GSTP1: variants seen among roughly 807,000 people sequenced by gnomAD.
GSTP1 encodes glutathione S-transferase P.
In GSTP1, 28 loss-of-function variants were observed where a neutral mutation model predicts 29.4. The ratio of observed to expected loss-of-function variants is 0.95; its 90% CI spans 0.71 to 1.30. The LOEUF is 1.30. GSTP1 is among the 50% of genes most tolerant of loss of function. GSTP1 has a pLI of 0.00. For missense variants in GSTP1, 267 were observed against 266.1 expected (o/e 1.00, Z -0.02); for synonymous variants, 122 against 117.0 (o/e 1.04, Z -0.28).
At chr11:67,584,250 G>A in intron 2 of GSTP1, 81 bp downstream of exon 2, 3 of 1,141,398 alleles carry the variant, frequency 2.6e-6, no homozygotes, top group South Asian at 1.3e-5. Context: ...GGAGAGATCC[G>A]AACCCCCTTA....
intron 3 of GSTP1, 56 bp from the exon 4 acceptor site, chr11:67,584,629 G>T: frequency 6.4e-7 from 1 of 1,574,566 alleles, no homozygotes; most frequent in Non-Finnish European, 8.7e-7. Context: ...GCTGTGACTA[G>T]GATCGGGGGA....
At position 67,584,322 on chromosome 11, in the gene GSTP1, C is replaced by G. The variant is rs543963099; in HGVS notation, c.38-142C>G. The G allele has an allele frequency of 7.3e-5, 53 of 724,412 alleles. No homozygotes were observed. In the South Asian group the frequency reaches 9.1e-4, roughly 12 times the overall value. 44.9% of individuals were successfully genotyped at this position (724,412 alleles called of 1,614,324 possible). A position where few individuals can be genotyped will look rare whatever the true frequency, so the allele number is the denominator to read the frequency against. On this transcript the variant is annotated intron_variant, in intron 2 of 6. Coordinates refer to ENST00000398606, the MANE Select transcript of GSTP1 (RefSeq NM_000852.4). ...CCTGTTCCCCGCCTCTCCCGCCATG[C>G]CTGCTCCCCGCCCCAGTGTTGTGTG...
chr11:67,583,958 C>T (rs963555721), intron 1 of GSTP1, 114 bp downstream of exon 1: 9 of 665,792 alleles, frequency 1.4e-5, no homozygotes, highest in African/African-American at 3.6e-5. Flanking sequence ...CCTCGAGACC[C>T]GGGACGGGGG....
chr11:67,584,819 G>GC (rs1867439131), intron 4 of GSTP1, 47 bp downstream of exon 4: 2 of 1,338,728 alleles, frequency 1.5e-6, no homozygotes, highest in Admixed American at 1.7e-5. Context: ...GCAAGCCTCT[G>GC]CCCCCGGAGC....
chr11:67,585,082 CTG>C (rs1031883829), intron 4 of GSTP1, 54 bp from the exon 5 acceptor site: 2 of 1,138,204 alleles, frequency 1.8e-6, no homozygotes, highest in African/African-American at 1.5e-5. Flanking sequence ...TCCCCAGTGA[CTG>C]TGTGTTGATC....
At chr11:67,584,063 G>GT in intron 1 of GSTP1, 71 bp from the exon 2 acceptor site, 2 of 1,293,576 alleles carry the variant, frequency 1.5e-6, no homozygotes, top group Non-Finnish European at 2.2e-6. Context: ...CGGGGAGGGG[G>GT]GGCAGACTGC....
At chr11:67,586,312 G>A in intron 6 of GSTP1, 77 bp from the exon 7 acceptor site, 1 of 1,533,506 alleles carries the variant, frequency 6.5e-7, no homozygotes, top group Non-Finnish European at 9.0e-7. Context: ...AGACCTAGGG[G>A]ATGGGCTTAG....
chr11:67,584,204 G>A, intron 2 of GSTP1, 35 bp downstream of exon 2: 1 of 1,555,796 alleles, frequency 6.4e-7, no homozygotes, highest in Non-Finnish European at 8.9e-7. Flanking sequence ...AGGGAGGCAG[G>A]GGCTGGGGCT....
rs746780344 is a variant in GSTP1, at chr11:67,584,526, G to T, written c.100G>T (p.Val34Leu). Residue 34 changes from valine (V) to leucine (L), a missense_variant, in exon 3 of 7, where the codon GTG becomes TTG. Val to Leu is a conservative substitution (Grantham distance 32). Coordinates refer to ENST00000398606, the MANE Select transcript of GSTP1 (RefSeq NM_000852.4). ...DQGQSWKEEV[V>L]TVETWQEGSL... Reference sequence around the variant, plus strand: ...GGGCCAGAGCTGGAAGGAGGAGGTGGTGACCGTGGAGACGTGGCAGGAGGG... The same window carrying T: ...GGGCCAGAGCTGGAAGGAGGAGGTGTTGACCGTGGAGACGTGGCAGGAGGG... 21 of 1,589,036 alleles carry T rather than the reference G, an allele frequency of 1.3e-5. No individual in the cohort carries two copies. The highest frequency in any genetic ancestry group is 1.7e-5 in the Non-Finnish European group (20 of 1,168,660).
In GSTP1 at chr11:67,584,533, T is replaced by C. The variant is rs757009510; in HGVS notation, c.107T>C (p.Val36Ala). The C allele has an allele frequency of 1.3e-6, 2 of 1,595,428 alleles. No homozygotes were observed. The part of the protein sequence containing the change: ...GQSWKEEVVT[V>A]ETWQEGSLKA... Reference sequence around the variant, plus strand: ...AGCTGGAAGGAGGAGGTGGTGACCGTGGAGACGTGGCAGGAGGGCTCACTC... The same window carrying C: ...AGCTGGAAGGAGGAGGTGGTGACCGCGGAGACGTGGCAGGAGGGCTCACTC... Residue 36 changes from valine (V) to alanine (A), a missense_variant, in exon 3 of 7, where the codon GTG (valine) becomes GCG (alanine). Val to Ala is a moderately conservative substitution (Grantham distance 64). Coordinates refer to ENST00000398606, the MANE Select transcript of GSTP1 (RefSeq NM_000852.4).
intron 3 of GSTP1, 49 bp from the exon 4 acceptor site, chr11:67,584,636 G>A: frequency 1.3e-6 from 2 of 1,579,224 alleles, no homozygotes; most frequent in Non-Finnish European, 1.7e-6. Flanking sequence ...CTAGGATCGG[G>A]GGACGCCCAA....
At chr11:67,586,274 G>A (rs1867465776) in intron 6 of GSTP1, 63 bp downstream of exon 6, 2 of 1,528,018 alleles carry the variant, frequency 1.3e-6, no homozygotes, top group Non-Finnish European at 1.8e-6. Context: ...GGACACAGGT[G>A]TGAGCCATTT....
At chr11:67,586,296 C>A in intron 6 of GSTP1, 85 bp downstream of exon 6, 1 of 1,529,010 alleles carries the variant, frequency 6.5e-7, no homozygotes, top group Non-Finnish European at 9.0e-7. Flanking sequence ...TTTAGCAAAG[C>A]AGAGCAGACC....
In GSTP1 at chr11:67,584,059, G is replaced by GC. The variant is rs547917745; in HGVS notation, c.2-75_2-74insC. 7.8e-4 allele frequency: 891 copies of GC among 1,148,420 alleles called. 13 individuals carry two copies. In the South Asian group the frequency reaches 0.01, roughly 13 times the overall value. The allele number at this position is 1,148,420 out of a possible 1,614,324, so 71.1% of individuals were successfully genotyped here. ...AGGGATGGGACCCCGGGGGCGGGGA[G>GC]GGGGGGCAGACTGCGCTCACCGCGC... On this transcript the variant is annotated intron_variant, in intron 1 of 6. Coordinates refer to ENST00000398606, the MANE Select transcript of GSTP1 (RefSeq NM_000852.4).
Position 67,586,440 on chromosome 11 carries a change from C to G in GSTP1, c.496C>G (p.Leu166Val), listed in dbSNP as rs377297283. ...LLDLLLIHEV[L>V]APGCLDAFPL... ...GGACTTGCTGCTGATCCATGAGGTC[C>G]TAGCCCCTGGCTGCCTGGATGCGTT... Residue 166 changes from leucine to valine, a missense_variant, in exon 7 of 7, where the codon CTA (leucine) becomes GTA (valine). Leu to Val is a conservative substitution (Grantham distance 32). Coordinates refer to ENST00000398606, the MANE Select transcript of GSTP1 (RefSeq NM_000852.4). The G allele has an allele frequency of 8.1e-6, 13 of 1,614,098 alleles. No individual in the cohort carries two copies. The Middle Eastern group carries it at 4.9e-4, about 61-fold the overall frequency.
chr11:67,584,413 C>A (rs1867429766), intron 2 of GSTP1, 51 bp from the exon 3 acceptor site: 1 of 1,036,034 alleles, frequency 9.7e-7, no homozygotes, highest in Non-Finnish European at 1.4e-6. Context: ...CGGGTTGCTG[C>A]GAGGCGGAGT....
chr11:67,584,801 A>G, intron 4 of GSTP1, 29 bp downstream of exon 4: 1 of 1,503,310 alleles, frequency 6.7e-7, no homozygotes, highest in Non-Finnish European at 9.3e-7. Context: ...AGTCCAGGGC[A>G]GGCATGGGCA....
At position 67,586,488 on chromosome 11, in the gene GSTP1, G is replaced by T; in HGVS notation, c.544G>T (p.Gly182Trp). ...GTTCCCCCTGCTCTCAGCATATGTGGGGCGCCTCAGTGCCCGGCCCAAGCT... is the reference window on the plus strand; with the variant it reads ...GTTCCCCCTGCTCTCAGCATATGTGTGGCGCCTCAGTGCCCGGCCCAAGCT... ...DAFPLLSAYV[G>W]RLSARPKLKA... Residue 182 changes from glycine (G) to tryptophan (W), a missense_variant, in exon 7 of 7, where the codon GGG becomes TGG. Coordinates refer to ENST00000398606, the MANE Select transcript of GSTP1 (RefSeq NM_000852.4). The T allele has an allele frequency of 6.2e-7, 1 of 1,614,172 alleles. No individual in the cohort carries two copies. Among genetic ancestry groups the T allele is most frequent in the Admixed American group, 1.7e-5 (1 of 60,016 alleles).
rs1204075895 is a variant in GSTP1 at position 67,584,044 on chromosome 11, C to T, written c.2-90C>T. On this transcript the variant is annotated intron_variant, in intron 1 of 6. Transcript: ENST00000398606. ...CGGAGCGCCTCGGGGAGGGATGGGA[C>T]CCCGGGGGCGGGGAGGGGGGGCAGA... 1.5e-5 allele frequency: 16 copies of T among 1,067,094 alleles called. 1 individual carries two copies. Among genetic ancestry groups the T allele is most frequent in the South Asian group, 4.1e-5 (3 of 72,686 alleles). 66.1% of individuals were successfully genotyped at this position (1,067,094 alleles called of 1,614,324 possible).
Sources: allele counts gnomAD v4.1 joint callset, GRCh38; gene constraint gnomAD v4.1.1; transcripts MANE v1.5; gene names NCBI Gene and HGNC (gene_info 2026-07-23, HGNC 2026-07-21).